Variants in UVRAG observed in about 807,000 individuals in gnomAD.
The protein encoded by UVRAG is UV radiation resistance-associated gene protein.
A neutral mutation model predicts 78.0 loss-of-function variants in UVRAG; 19 were observed. That is an observed-to-expected ratio of 0.24 (90% CI 0.17 to 0.36). The LOEUF (loss-of-function observed/expected upper bound fraction) is 0.36, where lower values mean the gene tolerates loss of function less well. UVRAG is among the 10% of genes least tolerant of loss of function. UVRAG has a pLI of 1.00. For synonymous variants in UVRAG, 323 were observed against 324.6 expected, an observed-to-expected ratio of 1.00 and a Z score of 0.05; for missense variants, 740 against 853.8, an observed-to-expected ratio of 0.87 and a Z score of 1.66.
chr11:75,995,908 T>C (rs1356585628), intron 8 of UVRAG, among the ~76,000 whole-genome samples: 1 of 152,030 alleles, frequency 6.6e-6, no homozygotes, highest in Non-Finnish European at 1.5e-5. Flanking sequence ...TATCTAACTT[T>C]CAAAAAAAAG....
At chr11:76,036,540 C>CA (rs1277254256) in intron 12 of UVRAG, among the ~76,000 whole-genome samples, 84 of 148,474 alleles carry the variant, frequency 5.7e-4, no homozygotes, top group East Asian at 2.2e-3. Context: ...GACCCTGTCT[C>CA]AAAAAAAAAG....
chr11:76,138,072 T>C (rs1455204441), intron 14 of UVRAG, among the ~76,000 whole-genome samples: 1 of 152,204 alleles, frequency 6.6e-6, no homozygotes, highest in Non-Finnish European at 1.5e-5. Context: ...AATACCAAAG[T>C]TCCCACCTCT....
rs534676953 is a variant in UVRAG, at chr11:76,140,953, T to C, written c.1640T>C (p.Leu547Pro). Residue 547 changes from leucine (L) to proline (P), a missense_variant, in exon 15 of 15, where the codon CTA (leucine) becomes CCA (proline). By Grantham distance (98) the Leu-to-Pro change is moderately conservative (BLOSUM62 -3). Coordinates refer to ENST00000356136, the MANE Select transcript of UVRAG (RefSeq NM_003369.4). ...GAGACCGAGAGAAAGATAACATCTC[T>C]ATCCTCCTCCTTGGATACCTCCTTG... ...MGETERKITS[L>P]SSSLDTSLDF... 8.7e-6 allele frequency: 14 copies of C among 1,614,140 alleles called. No homozygotes were observed. The East Asian group carries it at 8.9e-5, about 10-fold the overall frequency.
chr11:75,928,315 A>G (rs73493930), intron 6 of UVRAG, among the ~76,000 whole-genome samples: 121 of 152,324 alleles, frequency 7.9e-4, no homozygotes, highest in African/African-American at 2.5e-3. Context: ...TATCCCTTCT[A>G]CCTTCCAGAT....
intron 13 of UVRAG, among the ~76,000 whole-genome samples, chr11:76,101,180 A>G (rs1018825448): frequency 2.6e-5 from 4 of 151,750 alleles, no homozygotes; most frequent in African/African-American, 7.2e-5. Context: ...TTGAGAAATC[A>G]CCACAATGGT....
chr11:75,967,431 A>G (rs17134484), intron 7 of UVRAG, among the ~76,000 whole-genome samples: 1,622 of 152,004 alleles, frequency 0.011, 38 homozygotes, highest in African/African-American at 0.038. Context: ...CAACCTGTAA[A>G]TGACATTTAA....
intron 1 of UVRAG, among the ~76,000 whole-genome samples, chr11:75,845,398 A>G (rs771051788): frequency 1.3e-5 from 2 of 152,200 alleles, no homozygotes; most frequent in Non-Finnish European, 2.9e-5. Context: ...CCACATGACT[A>G]TTCACAATAG....
intron 5 of UVRAG, among the ~76,000 whole-genome samples, chr11:75,893,048 G>T (rs1482401649): frequency 6.6e-6 from 1 of 151,706 alleles, no homozygotes; most frequent in Admixed American, 6.6e-5. Flanking sequence ...CATAGTGGCG[G>T]GTGCCTGTAA....
At chr11:76,025,133 C>T (rs1565125262) in intron 12 of UVRAG, among the ~76,000 whole-genome samples, 2 of 152,158 alleles carry the variant, frequency 1.3e-5, no homozygotes, top group African/African-American at 4.8e-5. Context: ...TACTTGTGCA[C>T]CTGCATACTG....
intron 6 of UVRAG, among the ~76,000 whole-genome samples, chr11:75,932,112 A>G (rs1591032776): frequency 6.6e-6 from 1 of 152,064 alleles, no homozygotes; most frequent in Non-Finnish European, 1.5e-5. Context: ...GACATTTAGT[A>G]TGGTGCTTGA....
chr11:76,042,890 GATC>G (rs1163240013), intron 12 of UVRAG, among the ~76,000 whole-genome samples: 9 of 152,332 alleles, frequency 5.9e-5, no homozygotes, highest in African/African-American at 1.9e-4. Flanking sequence ...ACCATCCTGT[GATC>G]ATGAATGGGC....
chr11:76,037,458 T>C (rs986507865), intron 12 of UVRAG, among the ~76,000 whole-genome samples: 12 of 151,568 alleles, frequency 7.9e-5, no homozygotes, highest in Non-Finnish European at 8.8e-5. Context: ...ATCCCAGCAC[T>C]TTGGGAGGTT....
chr11:75,851,468 C>G (rs1946151033), intron 1 of UVRAG, among the ~76,000 whole-genome samples: 1 of 152,164 alleles, frequency 6.6e-6, no homozygotes. Context: ...GAACTAGCAT[C>G]AGGGGTGAGT....
intron 12 of UVRAG, among the ~76,000 whole-genome samples, chr11:76,048,836 T>G (rs1252490776): frequency 6.6e-6 from 1 of 152,180 alleles, no homozygotes; most frequent in Non-Finnish European, 1.5e-5. Context: ...CTTTAAAACT[T>G]AAGTAGTTTA....
intron 7 of UVRAG, among the ~76,000 whole-genome samples, chr11:75,972,694 C>T (rs1591078981): frequency 6.6e-6 from 1 of 152,328 alleles, no homozygotes; most frequent in Non-Finnish European, 1.5e-5. Flanking sequence ...TACTGTCAGT[C>T]TTCCAACTTT....
intron 9 of UVRAG, among the ~76,000 whole-genome samples, chr11:76,006,822 A>G (rs971040661): frequency 6.6e-6 from 1 of 152,116 alleles, no homozygotes; most frequent in Non-Finnish European, 1.5e-5. Flanking sequence ...TTTTTGAGGA[A>G]ATACCATCCA....
chr11:75,884,551 T>C (rs1000751348), intron 4 of UVRAG, among the ~76,000 whole-genome samples: 4 of 152,120 alleles, frequency 2.6e-5, no homozygotes, highest in Non-Finnish European at 5.9e-5. Flanking sequence ...TTTATAGTTT[T>C]AGGTTTTACA....
At chr11:76,079,016 A>G (rs139096428) in intron 13 of UVRAG, among the ~76,000 whole-genome samples, 49 of 152,132 alleles carry the variant, frequency 3.2e-4, no homozygotes, top group African/African-American at 1.1e-3. Flanking sequence ...TGTGTCTCAG[A>G]CTTCTCATCT....
chr11:76,129,323 A>T (rs1952471855), intron 14 of UVRAG, among the ~76,000 whole-genome samples: 1 of 152,216 alleles, frequency 6.6e-6, no homozygotes, highest in Admixed American at 6.5e-5. Flanking sequence ...GAATCTTGTT[A>T]TTACAGCCTT....
Sources: allele counts gnomAD v4.1 joint callset (sites outside exome capture counted in the v4.1 genomes callset), GRCh38; gene constraint gnomAD v4.1.1; transcripts MANE v1.5; gene names NCBI Gene and HGNC (gene_info 2026-07-23, HGNC 2026-07-21).